HTR2C: variants seen among roughly 807,000 people sequenced by gnomAD.
HTR2C encodes 5-hydroxytryptamine receptor 2C, also known as 5-hydroxytryptamine (serotonin) receptor 2C, G protein-coupled.
A neutral mutation model predicts 21.0 loss-of-function variants in HTR2C; 5 were observed. The observed-to-expected ratio is 0.24, with a 90% CI of 0.12 to 0.50. HTR2C has a LOEUF of 0.50. Among genes scored for constraint, HTR2C ranks in the 20% least tolerant of loss-of-function variants. The pLI is 0.98. For missense variants in HTR2C, 271 were observed against 371.2 expected, an observed-to-expected ratio of 0.73 and a Z score of 2.22; for synonymous variants, 150 against 145.3, an observed-to-expected ratio of 1.03 and a Z score of -0.23.
chrX:114,687,387 A>G (rs1320321191), intron 2 of HTR2C, among the ~76,000 whole-genome samples: 2 of 112,391 alleles, frequency 1.8e-5, no homozygotes, highest in African/African-American at 3.2e-5. Flanking sequence ...AAGTCTTTCA[A>G]CATCATCTCA....
intron 4 of HTR2C, among the ~76,000 whole-genome samples, chrX:114,826,321 C>T (rs924275367): frequency 9.0e-6 from 1 of 110,964 alleles, no homozygotes; most frequent in Non-Finnish European, 1.9e-5. Context: ...CCACCTCAGC[C>T]TCCCAAAGTG....
At chrX:114,882,149 G>A (rs2071186483) in intron 5 of HTR2C, among the ~76,000 whole-genome samples, 2 of 109,914 alleles carry the variant, frequency 1.8e-5, no homozygotes, top group Non-Finnish European at 1.9e-5. Flanking sequence ...TTTTTGGATT[G>A]TTCATTGCAA....
intron 2 of HTR2C, among the ~76,000 whole-genome samples, chrX:114,717,988 C>G (rs782304590): frequency 5.4e-5 from 6 of 111,417 alleles, no homozygotes; most frequent in Non-Finnish European, 1.1e-4. Flanking sequence ...TTGTTCGTGC[C>G]AGCCTTTGTA....
At chrX:114,663,547 A>C (rs1456603189) in intron 2 of HTR2C, among the ~76,000 whole-genome samples, 1 of 111,259 alleles carries the variant, frequency 9.0e-6, no homozygotes, top group Non-Finnish European at 1.9e-5. Flanking sequence ...CACTTGATAA[A>C]AATTATTTTT....
chrX:114,822,689 C>G (rs1370034319), intron 4 of HTR2C, among the ~76,000 whole-genome samples: 1 of 111,692 alleles, frequency 9.0e-6, no homozygotes, highest in African/African-American at 3.3e-5. Flanking sequence ...GTGAGACTAT[C>G]TCAGAAGAGA....
At chrX:114,639,030 C>T (rs1223834113) in intron 2 of HTR2C, among the ~76,000 whole-genome samples, 1 of 111,151 alleles carries the variant, frequency 9.0e-6, no homozygotes, top group African/African-American at 3.3e-5. Context: ...CAGTAATATT[C>T]TACAAGAAGA....
At chrX:114,764,792 G>A (rs2069921069) in intron 4 of HTR2C, among the ~76,000 whole-genome samples, 1 of 111,251 alleles carries the variant, frequency 9.0e-6, no homozygotes, top group African/African-American at 3.3e-5. Flanking sequence ...CCTCTGTAGT[G>A]TCCAGTTCTG....
At chrX:114,893,161 C>T (rs781968565) in intron 5 of HTR2C, among the ~76,000 whole-genome samples, 5 of 109,851 alleles carry the variant, frequency 4.6e-5, no homozygotes, top group East Asian at 2.9e-4. Context: ...GTGATCCACC[C>T]GCCTCAGCCT....
chrX:114,852,454 G>A (rs944748702), intron 5 of HTR2C, among the ~76,000 whole-genome samples: 5 of 108,769 alleles, frequency 4.6e-5, no homozygotes, highest in Non-Finnish European at 9.5e-5. Context: ...TACACGTATT[G>A]TTATTTTTCC....
intron 4 of HTR2C, among the ~76,000 whole-genome samples, chrX:114,798,525 G>A (rs954021221): frequency 4.5e-5 from 5 of 111,643 alleles, no homozygotes; most frequent in Non-Finnish European, 7.6e-5. Context: ...TGTCTAAAGT[G>A]TTCAGTTGCA....
intron 5 of HTR2C, among the ~76,000 whole-genome samples, chrX:114,881,250 C>A (rs868960818): frequency 9.0e-6 from 1 of 110,963 alleles, no homozygotes; most frequent in Non-Finnish European, 1.9e-5. Flanking sequence ...AACAAATATT[C>A]TGGATGAAAG....
At chrX:114,762,871 C>T (rs1482797803) in intron 4 of HTR2C, among the ~76,000 whole-genome samples, 5 of 112,044 alleles carry the variant, frequency 4.5e-5, no homozygotes, top group Admixed American at 2.8e-4. Context: ...CATGTTGATA[C>T]TCCACATTCA....
chrX:114,820,172 T>A (rs782038476), intron 4 of HTR2C, among the ~76,000 whole-genome samples: 1 of 109,972 alleles, frequency 9.1e-6, no homozygotes, highest in East Asian at 2.9e-4. Flanking sequence ...ATTTTATTTT[T>A]AAATTTTAAA....
At chrX:114,666,829 A>G (rs1931195713) in intron 2 of HTR2C, among the ~76,000 whole-genome samples, 2 of 111,984 alleles carry the variant, frequency 1.8e-5, no homozygotes, top group Non-Finnish European at 3.8e-5. Flanking sequence ...GGGAAATCTC[A>G]GGAAATGTAC....
chrX:114,852,354 C>G (rs2070925289), intron 5 of HTR2C, among the ~76,000 whole-genome samples: 2 of 109,122 alleles, frequency 1.8e-5, no homozygotes, highest in African/African-American at 6.7e-5. Context: ...GAGTCAGTTC[C>G]TCTTCTATTC....
At chrX:114,702,822 C>T (rs1301410164) in intron 2 of HTR2C, among the ~76,000 whole-genome samples, 78 of 106,521 alleles carry the variant, frequency 7.3e-4, no homozygotes, top group Non-Finnish European at 1.4e-3. Context: ...ACCCATCTCA[C>T]GTGCAGAGAC....
At chrX:114,872,853 G>A (rs184864703) in intron 5 of HTR2C, among the ~76,000 whole-genome samples, 6 of 110,982 alleles carry the variant, frequency 5.4e-5, no homozygotes, top group African/African-American at 1.6e-4. Context: ...TTGAAAGCTG[G>A]GTATTAAAGC....
At chrX:114,614,523 G>A (rs1556399566) in intron 2 of HTR2C, among the ~76,000 whole-genome samples, 1 of 110,993 alleles carries the variant, frequency 9.0e-6, no homozygotes, top group African/African-American at 3.3e-5. Context: ...ACCTCCCAAA[G>A]TGCTGGGATT....
chrX:114,827,924 A>T (rs1221105604), intron 4 of HTR2C, among the ~76,000 whole-genome samples: 6 of 110,306 alleles, frequency 5.4e-5, no homozygotes, highest in African/African-American at 9.9e-5. Flanking sequence ...TGATCTAGGT[A>T]TGATTTTTTT....
Sources: gnomAD v4.1 joint callset for allele counts (sites outside exome capture counted in the v4.1 genomes callset) on GRCh38, gnomAD v4.1.1 for gene constraint, MANE v1.5 for transcripts, NCBI Gene and HGNC (gene_info 2026-07-23, HGNC 2026-07-21) for gene names.